Variants in GPC6 observed in about 807,000 individuals in gnomAD.
The protein encoded by GPC6 is glypican 6.
GPC6 carries 14 observed loss-of-function variants against 55.2 expected under a neutral mutation model. The ratio of observed to expected loss-of-function variants is 0.25; its 90% CI spans 0.17 to 0.40. GPC6 has a LOEUF of 0.40. GPC6 is among the 10% of genes least tolerant of loss of function. The pLI is 1.00. For missense variants in GPC6, 641 were observed against 708.5 expected (o/e 0.90, Z 1.08); for synonymous variants, 278 against 259.6 (o/e 1.07, Z -0.68).
intron 1 of GPC6, among the ~76,000 whole-genome samples, chr13:93,461,055 G>A (rs1309259489): frequency 6.6e-6 from 1 of 152,074 alleles, no homozygotes; most frequent in Non-Finnish European, 1.5e-5. Context: ...AATGAATCTT[G>A]CAGTGGTGGA....
chr13:93,865,328 T>G (rs1002940766), intron 3 of GPC6, among the ~76,000 whole-genome samples: 1 of 151,722 alleles, frequency 6.6e-6, no homozygotes, highest in Non-Finnish European at 1.5e-5. Flanking sequence ...ATGTCTGGCC[T>G]ACTTCAAGAG....
chr13:93,660,824 A>G (rs575823604), intron 2 of GPC6, among the ~76,000 whole-genome samples: 1 of 152,322 alleles, frequency 6.6e-6, no homozygotes, highest in South Asian at 2.1e-4. Context: ...GGGACTTGAC[A>G]GGTGCTGCTT....
chr13:94,315,773 A>G (rs575006812), intron 6 of GPC6, among the ~76,000 whole-genome samples: 70 of 152,320 alleles, frequency 4.6e-4, no homozygotes, highest in Non-Finnish European at 8.4e-4. Flanking sequence ...TTTATTCACC[A>G]TATTTATTGT....
intron 2 of GPC6, among the ~76,000 whole-genome samples, chr13:93,793,994 C>G (rs190721510): frequency 6.6e-6 from 1 of 152,056 alleles, no homozygotes; most frequent in Non-Finnish European, 1.5e-5. Flanking sequence ...GGATCATGCC[C>G]GTGTTTGTGC....
At chr13:93,229,478 A>G (rs544977683) in intron 1 of GPC6, among the ~76,000 whole-genome samples, 1 of 152,304 alleles carries the variant, frequency 6.6e-6, no homozygotes, top group South Asian at 2.1e-4. Flanking sequence ...CTCTCAGGAG[A>G]CTAGAGTTCA....
rs147471436 is a variant in GPC6 at position 93,696,955 on chromosome 13, T to G, written c.320-133199T>G. 1.7e-3 allele frequency among the ~76,000 whole-genome samples: 265 copies of G among 152,246 alleles called. 2 individuals are homozygous for G. The highest frequency in any genetic ancestry group is 6.0e-3 in the African/African-American group (250 of 41,568). ...GTAACTTTAAATGATATTTTAAAGCTGTATTTCTTGAGTCATCAACTTCTG... is the reference window on the plus strand; with the variant it reads ...GTAACTTTAAATGATATTTTAAAGCGGTATTTCTTGAGTCATCAACTTCTG... On this transcript the variant is annotated intron_variant, in intron 2 of 8. Transcript: ENST00000377047.
intron 2 of GPC6, among the ~76,000 whole-genome samples, chr13:93,609,893 G>A (rs1878394274): frequency 6.6e-6 from 1 of 152,122 alleles, no homozygotes; most frequent in Non-Finnish European, 1.5e-5. Context: ...TTATGATAAA[G>A]CAACCGACAA....
chr13:93,397,273 T>C (rs1875893444), intron 1 of GPC6, among the ~76,000 whole-genome samples: 1 of 152,190 alleles, frequency 6.6e-6, no homozygotes, highest in Non-Finnish European at 1.5e-5. Flanking sequence ...CCATCAGCAA[T>C]GTACAAAGGT....
intron 2 of GPC6, among the ~76,000 whole-genome samples, chr13:93,803,727 C>T (rs556722879): frequency 2.2e-3 from 328 of 152,174 alleles, no homozygotes; most frequent in African/African-American, 7.1e-3. Context: ...GTGGAGTAAC[C>T]GTACAGTGGA....
At chr13:94,284,992 A>T (rs1892489346) in intron 4 of GPC6, among the ~76,000 whole-genome samples, 1 of 152,148 alleles carries the variant, frequency 6.6e-6, no homozygotes, top group Non-Finnish European at 1.5e-5. Context: ...TCAAAGGAGA[A>T]TCTAATTTTA....
At chr13:94,047,156 T>C (rs762538526) in intron 4 of GPC6, among the ~76,000 whole-genome samples, 2 of 152,130 alleles carry the variant, frequency 1.3e-5, no homozygotes, top group Non-Finnish European at 2.9e-5. Flanking sequence ...TTTTTAAATG[T>C]ATTGGTATTC....
intron 3 of GPC6, among the ~76,000 whole-genome samples, chr13:93,946,545 C>T (rs1344666500): frequency 1.3e-5 from 2 of 152,180 alleles, no homozygotes; most frequent in Non-Finnish European, 2.9e-5. Flanking sequence ...TTGGTATAAA[C>T]AAGTGGTATA....
At position 94,027,799 on chromosome 13, in the gene GPC6, C is replaced by G; in HGVS notation, c.782C>G (p.Pro261Arg). 1 of 1,613,756 alleles carries G rather than the reference C, an allele frequency of 6.2e-7. No homozygotes were observed. Among genetic ancestry groups the G allele is most frequent in the African/African-American group, 1.3e-5 (1 of 74,990 alleles). The change falls in exon 4 of 9, where the codon CCC becomes CGC. Residue 261 changes from proline (P) to arginine (R), a missense_variant. Pro to Arg is a moderately radical substitution (Grantham distance 103). Coordinates refer to ENST00000377047, the MANE Select transcript of GPC6 (RefSeq NM_005708.5). ...MLYCPYCRGL[P>R]TVRPCNNYCL... ...TACTGCCCATACTGTCGGGGGCTTC[C>G]CACTGTGAGGCCCTGCAACAACTAC... is the stretch of plus-strand genomic sequence containing the variant.
chr13:93,440,475 T>G (rs914277340), intron 1 of GPC6, among the ~76,000 whole-genome samples: 2 of 152,178 alleles, frequency 1.3e-5, no homozygotes, highest in Admixed American at 1.3e-4. Context: ...GCAATACAAG[T>G]TGGAAAGTAG....
intron 3 of GPC6, among the ~76,000 whole-genome samples, chr13:93,993,649 A>T (rs1173156889): frequency 6.6e-6 from 1 of 152,184 alleles, no homozygotes; most frequent in Non-Finnish European, 1.5e-5. Flanking sequence ...GTATAAAAAT[A>T]AACATCTCAT....
intron 4 of GPC6, among the ~76,000 whole-genome samples, chr13:94,223,070 C>T (rs1399168082): frequency 6.6e-6 from 1 of 152,098 alleles, no homozygotes; most frequent in Non-Finnish European, 1.5e-5. Flanking sequence ...TTCTCATTTA[C>T]CCTGTAATTC....
chr13:94,101,324 C>T (rs958120385), intron 4 of GPC6, among the ~76,000 whole-genome samples: 2 of 151,426 alleles, frequency 1.3e-5, no homozygotes, highest in Non-Finnish European at 1.5e-5. Flanking sequence ...TCCATGTTAT[C>T]AACAGCAGCC....
chr13:93,701,272 A>G (rs1020121996), intron 2 of GPC6, among the ~76,000 whole-genome samples: 7 of 152,130 alleles, frequency 4.6e-5, no homozygotes, highest in African/African-American at 1.4e-4. Context: ...GCAGGTCTAG[A>G]CAACCACAGT....
chr13:93,829,151 AT>A (rs1480567575), intron 2 of GPC6, among the ~76,000 whole-genome samples: 3 of 151,578 alleles, frequency 2.0e-5, no homozygotes, highest in African/African-American at 4.8e-5. Context: ...GGGAACTTAG[AT>A]TGATAACCTC....
Sources: gnomAD v4.1 joint callset for allele counts (sites outside exome capture counted in the v4.1 genomes callset) on GRCh38, gnomAD v4.1.1 for gene constraint, MANE v1.5 for transcripts, NCBI Gene and HGNC (gene_info 2026-07-23, HGNC 2026-07-21) for gene names.